Variants in KAT7 observed in about 807,000 individuals in gnomAD.
The protein encoded by KAT7 is histone acetyltransferase KAT7.
KAT7 carries 10 observed loss-of-function variants against 82.1 expected under a neutral mutation model. That is an observed-to-expected ratio of 0.12 (90% CI 0.08 to 0.21). The LOEUF (loss-of-function observed/expected upper bound fraction) is 0.21, where lower values mean the gene tolerates loss of function less well. Ranked by LOEUF, KAT7 falls within the 10% of genes least tolerant of loss-of-function variation. The pLI, the probability that KAT7 is intolerant of heterozygous loss-of-function variation, is 1.00. For synonymous variants in KAT7, 250 were observed against 262.5 expected (o/e 0.95, Z 0.46); for missense variants, 378 against 760.9 (o/e 0.50, Z 5.92).
At chr17:49,826,336 C>G (rs970922485) in intron 13 of KAT7, 190 bp downstream of exon 13, 3 of 552,400 alleles carry the variant, frequency 5.4e-6, no homozygotes, top group Admixed American at 6.8e-5. Context: ...CTTCTCAAAT[C>G]CAGAGTTGCC....
chr17:49,788,929 A>G, intron 1 of KAT7, 80 bp downstream of exon 1: 1 of 1,330,550 alleles, frequency 7.5e-7, no homozygotes, highest in South Asian at 1.5e-5. Context: ...CACGCCTCAC[A>G]GTGCTTGGGT....
At chr17:49,791,071 A>T (rs1050356140) in intron 1 of KAT7, among the ~76,000 whole-genome samples, 3 of 152,204 alleles carry the variant, frequency 2.0e-5, no homozygotes, top group Admixed American at 6.5e-5. Flanking sequence ...GCCTTTTTGG[A>T]AGATAGATGG....
At chr17:49,790,670 GT>G (rs1336459711) in intron 1 of KAT7, among the ~76,000 whole-genome samples, 3 of 152,212 alleles carry the variant, frequency 2.0e-5, no homozygotes, top group African/African-American at 7.2e-5. Context: ...GCTACTTATG[GT>G]TTTTGTGTGT....
chr17:49,813,871 CT>C (rs1245745231), intron 7 of KAT7, among the ~76,000 whole-genome samples: 7,000 of 142,460 alleles, frequency 0.049, 161 homozygotes, highest in Non-Finnish European at 0.054. Flanking sequence ...ACTGTATTTC[CT>C]TTTTTTTTTT....
At chr17:49,795,381 G>A in intron 2 of KAT7, 1 of 230,762 alleles carries the variant, frequency 4.3e-6, no homozygotes, top group Middle Eastern at 1.0e-3. Context: ...TGACGGAGCT[G>A]ACCAGACTTT....
intron 2 of KAT7, 118 bp downstream of exon 2, chr17:49,792,151 C>G (rs2073898436): frequency 1.1e-6 from 1 of 929,684 alleles, no homozygotes; most frequent in Non-Finnish European, 1.6e-6. Context: ...GACAGTGCAC[C>G]AGATGATTGG....
chr17:49,809,806 T>G (rs2074139053), intron 6 of KAT7, among the ~76,000 whole-genome samples: 1 of 152,218 alleles, frequency 6.6e-6, no homozygotes, highest in African/African-American at 2.4e-5. Flanking sequence ...GTATTTTCTT[T>G]CAAGGCCCGT....
chr17:49,826,296 A>AT, intron 13 of KAT7, 150 bp downstream of exon 13: 1 of 706,206 alleles, frequency 1.4e-6, no homozygotes, highest in Non-Finnish European at 2.3e-6. Context: ...AATCCAAAGC[A>AT]TTTGGCCCCT....
chr17:49,811,701 C>G, intron 7 of KAT7, 127 bp downstream of exon 7: 2 of 419,338 alleles, frequency 4.8e-6, no homozygotes, highest in Non-Finnish European at 8.7e-6. Context: ...CCAATTGACT[C>G]TTCTATGGCA....
chr17:49,811,484 G>A lies in KAT7; in HGVS notation c.762G>A (p.Thr254=), dbSNP rs770380029. 8.6e-6 allele frequency: 13 copies of A among 1,507,994 alleles called. No individual in the cohort carries two copies. In the East Asian group the frequency reaches 1.2e-4, roughly 14 times the overall value. 93.4% of individuals were successfully genotyped at this position (1,507,994 alleles called of 1,614,324 possible). Residue 254 remains threonine, a synonymous_variant, in exon 7 of 15, where the codon ACG becomes ACA. Coordinates refer to ENST00000259021, the MANE Select transcript of KAT7 (RefSeq NM_007067.5). Reference sequence around the variant, plus strand: ...CTCCTTTTTCCTTTTAGGCACCAACGGAGAGACAGCTTCGATATAAGGAAA... The same window carrying A: ...CTCCTTTTTCCTTTTAGGCACCAACAGAGAGACAGCTTCGATATAAGGAAA... ...NRHATRHQAP[T]ERQLRYKEKV...
chr17:49,822,305 GC>G (rs1262858401), intron 11 of KAT7, among the ~76,000 whole-genome samples: 7 of 151,256 alleles, frequency 4.6e-5, no homozygotes, highest in Admixed American at 4.0e-4. Flanking sequence ...TTGACTCACT[GC>G]ACCCTCTGCC....
At chr17:49,825,190 GTGT>G (rs1024710017) in intron 12 of KAT7, among the ~76,000 whole-genome samples, 7 of 152,058 alleles carry the variant, frequency 4.6e-5, no homozygotes, top group Non-Finnish European at 1.0e-4. Flanking sequence ...CATCTCCATA[GTGT>G]TGTTTTATAT....
rs1012068861 is a variant in KAT7 at position 49,832,968 on chromosome 17, G to T, written c.*5466G>T. On this transcript the variant is annotated 3_prime_UTR_variant, in exon 15 of 15. Transcript: ENST00000259021. ...TGCCTCCTCCAGACTGTTTCCTGCTGATAGGGGCAGTTTAATAGCCTTCTT... is the reference window on the plus strand; with the variant it reads ...TGCCTCCTCCAGACTGTTTCCTGCTTATAGGGGCAGTTTAATAGCCTTCTT... The T allele has an allele frequency of 2.0e-5, 3 of 152,148 alleles. No individual in the cohort carries two copies. The highest frequency in any genetic ancestry group is 7.2e-5 in the African/African-American group (3 of 41,408). 9.4% of individuals were successfully genotyped at this position (152,148 alleles called of 1,614,324 possible). A position where few individuals can be genotyped will look rare whatever the true frequency, so the allele number is the denominator to read the frequency against.
At chr17:49,794,478 G>T (rs2073929642) in intron 2 of KAT7, among the ~76,000 whole-genome samples, 1 of 152,104 alleles carries the variant, frequency 6.6e-6, no homozygotes, top group Non-Finnish European at 1.5e-5. Flanking sequence ...TAGAGACAGG[G>T]TTTCACCGTG....
chr17:49,820,440 G>A (rs994643691), intron 9 of KAT7, among the ~76,000 whole-genome samples: 1 of 151,958 alleles, frequency 6.6e-6, no homozygotes, highest in African/African-American at 2.4e-5. Flanking sequence ...TGCCACACCT[G>A]GCTAATATTT....
At chr17:49,826,851 G>A in intron 14 of KAT7, 52 bp downstream of exon 14, 1 of 1,216,826 alleles carries the variant, frequency 8.2e-7, no homozygotes, top group Non-Finnish European at 1.2e-6. Flanking sequence ...TCAAGACTTA[G>A]CAGAGCAAAG....
rs143069550 is a variant in KAT7 at position 49,797,726 on chromosome 17, C to G, written c.341-593C>G. Among the ~76,000 whole-genome samples the G allele has an allele frequency of 1.8e-4, 27 of 152,364 alleles. No individual in the cohort carries two copies. In the East Asian group the frequency reaches 5.0e-3, roughly 28 times the overall value. On this transcript the variant is annotated intron_variant, in intron 3 of 14. Coordinates refer to ENST00000259021, the MANE Select transcript of KAT7 (RefSeq NM_007067.5). ...TAAACAATGAAAAGATCTGGGAACA[C>G]TGGGCGGCCAATCACCCATAGTAAT... is the stretch of plus-strand genomic sequence containing the variant.
chr17:49,810,082 C>T (rs2074142908), intron 6 of KAT7, among the ~76,000 whole-genome samples: 1 of 152,116 alleles, frequency 6.6e-6, no homozygotes, highest in Admixed American at 6.5e-5. Context: ...TTGTCCCGGG[C>T]AGGTCAACTA....
intron 6 of KAT7, among the ~76,000 whole-genome samples, chr17:49,810,771 C>T (rs1484122314): frequency 6.6e-6 from 1 of 152,026 alleles, no homozygotes; most frequent in Non-Finnish European, 1.5e-5. Context: ...ATTCCTGAAC[C>T]TATATTTAAC....
Sources: allele counts gnomAD v4.1 joint callset (sites outside exome capture counted in the v4.1 genomes callset), GRCh38; gene constraint gnomAD v4.1.1; transcripts MANE v1.5; gene names NCBI Gene and HGNC (gene_info 2026-07-23, HGNC 2026-07-21).